The following SIPA1L2 variants were observed in gnomAD, a reference collection of about 807,000 sequenced individuals.
SIPA1L2 encodes signal induced proliferation associated 1 like 2.
A neutral mutation model predicts 163.9 loss-of-function variants in SIPA1L2; 56 were observed. The ratio of observed to expected loss-of-function variants is 0.34; its 90% confidence interval spans 0.28 to 0.43. The LOEUF is 0.43. Ranked by LOEUF, SIPA1L2 falls within the 20% of genes least tolerant of loss-of-function variation. The pLI is 1.00. For synonymous variants in SIPA1L2, 877 were observed against 865.7 expected (o/e 1.01, Z -0.23); for missense variants, 1,974 against 2,193.5 (o/e 0.90, Z 2.00).
intron 1 of SIPA1L2, among the ~76,000 whole-genome samples, chr1:232,595,419 G>A (rs1429662653): frequency 6.6e-6 from 1 of 152,202 alleles, no homozygotes; most frequent in Non-Finnish European, 1.5e-5. Context: ...AGGGCGGCCA[G>A]AGGTCGGAAA....
intron 2 of SIPA1L2, among the ~76,000 whole-genome samples, chr1:232,573,259 G>A (rs553732310): frequency 1.3e-5 from 2 of 152,276 alleles, no homozygotes; most frequent in African/African-American, 2.4e-5. Flanking sequence ...ACATTTTCGA[G>A]CAAATGGTAA....
At chr1:232,575,351 G>C (rs1482838324) in intron 1 of SIPA1L2, among the ~76,000 whole-genome samples, 4 of 152,134 alleles carry the variant, frequency 2.6e-5, no homozygotes, top group African/African-American at 4.8e-5. Context: ...TTCACTTTGA[G>C]AGGCGATAAA....
At chr1:232,528,102 A>ATATATATATATATATATCTATC (rs34779799) in intron 2 of SIPA1L2, among the ~76,000 whole-genome samples, 2 of 118,536 alleles carry the variant, frequency 1.7e-5, no homozygotes, top group Admixed American at 8.7e-5. Flanking sequence ...ATATATATAT[A>ATATATATATATATATATCTATC]ATCAACTTTC....
intron 2 of SIPA1L2, among the ~76,000 whole-genome samples, chr1:232,517,914 G>A (rs112870246): frequency 0.015 from 2,304 of 152,122 alleles, 63 homozygotes; most frequent in African/African-American, 0.053. Flanking sequence ...CGGCGTGGCG[G>A]TACACACCTG....
intron 7 of SIPA1L2, among the ~76,000 whole-genome samples, chr1:232,473,426 C>T (rs755418009): frequency 3.9e-5 from 6 of 152,190 alleles, no homozygotes; most frequent in Non-Finnish European, 7.3e-5. Context: ...GAGTGATTGC[C>T]GGTGTGGCTT....
intron 1 of SIPA1L2, among the ~76,000 whole-genome samples, chr1:232,612,996 C>T (rs1662328251): frequency 6.6e-6 from 1 of 152,164 alleles, no homozygotes; most frequent in South Asian, 2.1e-4. Flanking sequence ...CCATACTGTT[C>T]TCGTGGTACT....
chr1:232,409,791 G>A (rs774663695), intron 19 of SIPA1L2, among the ~76,000 whole-genome samples: 1 of 152,126 alleles, frequency 6.6e-6, no homozygotes, highest in African/African-American at 2.4e-5. Context: ...ACATGGAGCA[G>A]AAGAACCACC....
intron 2 of SIPA1L2, among the ~76,000 whole-genome samples, chr1:232,532,741 C>CTGCTATATGACCCAATCACGGCAAA (rs1452226794): frequency 2.0e-5 from 3 of 152,196 alleles, no homozygotes; most frequent in African/African-American, 7.2e-5. Flanking sequence ...TGAGGCTTAG[C>CTGCTATATGACCCAATCACGGCAAA]TGCTATATGA....
intron 2 of SIPA1L2, among the ~76,000 whole-genome samples, chr1:232,529,103 C>T (rs1667853109): frequency 6.6e-6 from 1 of 152,124 alleles, no homozygotes; most frequent in Non-Finnish European, 1.5e-5. Context: ...GGTCATTGTT[C>T]TTTATACTTT....
At chr1:232,573,832 G>A (rs900511880) in intron 2 of SIPA1L2, among the ~76,000 whole-genome samples, 1 of 152,116 alleles carries the variant, frequency 6.6e-6, no homozygotes, top group African/African-American at 2.4e-5. Flanking sequence ...CTCACGTGTT[G>A]TACCTCTAAT....
intron 2 of SIPA1L2, among the ~76,000 whole-genome samples, chr1:232,521,701 T>C (rs1667466844): frequency 6.6e-6 from 1 of 152,210 alleles, no homozygotes; most frequent in African/African-American, 2.4e-5. Context: ...TAACACATGC[T>C]TGGAGCACAC....
Position 232,445,568 on chromosome 1 carries a change from C to T in SIPA1L2, c.3314G>A (p.Arg1105Gln). Residue 1105 changes from arginine to glutamine, a missense_variant, in exon 11 of 23, where the codon CGA becomes CAA. By Grantham distance (43) the Arg-to-Gln change is conservative. Around this residue, in one of 3 missense-constraint regions of SIPA1L2, gnomAD observed 1,079 missense variants for 1,150.7 expected, o/e 0.94. Transcript: ENST00000674635. The stretch of plus-strand genomic sequence containing the variant: ...CAGCTTCCGGTCGAAGGAGGTGCTT[C>T]GAGGAATGGCAGCCTGGGCCTGCTG... ...LLQQAQAAIPRSTSFDRKLPD... is the reference protein window; with the variant it reads ...LLQQAQAAIPQSTSFDRKLPD... The T allele has an allele frequency of 2.5e-6, 4 of 1,613,970 alleles. No individual in the cohort carries two copies. Among genetic ancestry groups the T allele is most frequent in the Non-Finnish European group, 3.4e-6 (4 of 1,179,974 alleles).
intron 16 of SIPA1L2, among the ~76,000 whole-genome samples, chr1:232,431,062 T>C (rs569100397): frequency 6.6e-6 from 1 of 152,360 alleles, no homozygotes; most frequent in African/African-American, 2.4e-5. Context: ...ACTGTCCGAA[T>C]GGGCTCCTTT....
In SIPA1L2 at chr1:232,460,877, C is replaced by A; in HGVS notation, c.3095+10G>T. Reference sequence around the variant, plus strand: ...AGGAGTGAGCATTACTTGGGCCTCCCACGCCTTACCTTCGGGGCGAGCCGT... The same window carrying A: ...AGGAGTGAGCATTACTTGGGCCTCCAACGCCTTACCTTCGGGGCGAGCCGT... On this transcript the variant is annotated intron_variant, in intron 10 of 22. Coordinates refer to ENST00000674635, the MANE Select transcript of SIPA1L2 (RefSeq NM_020808.5). 2 of 1,609,570 alleles carry A rather than the reference C, an allele frequency of 1.2e-6. No individual in the cohort carries two copies. Among genetic ancestry groups the A allele is most frequent in the South Asian group, 2.2e-5 (2 of 90,770 alleles).
intron 8 of SIPA1L2, 123 bp downstream of exon 8, chr1:232,471,248 T>G: frequency 1.7e-6 from 1 of 603,668 alleles, no homozygotes; most frequent in Non-Finnish European, 2.4e-6. Flanking sequence ...TTACAGAAAG[T>G]GTCTGAGTAA....
intron 18 of SIPA1L2, among the ~76,000 whole-genome samples, chr1:232,418,573 T>C (rs1161989565): frequency 6.6e-6 from 1 of 152,172 alleles, no homozygotes; most frequent in Non-Finnish European, 1.5e-5. Flanking sequence ...TGCTACCCCC[T>C]ACGCAATGCA....
intron 1 of SIPA1L2, among the ~76,000 whole-genome samples, chr1:232,601,198 T>A (rs1661580064): frequency 6.6e-6 from 1 of 152,158 alleles, no homozygotes; most frequent in Non-Finnish European, 1.5e-5. Flanking sequence ...ACAGTTGCAG[T>A]AGTCCAACAG....
At chr1:232,487,205 G>A (rs1404350245) in intron 5 of SIPA1L2, among the ~76,000 whole-genome samples, 2 of 152,198 alleles carry the variant, frequency 1.3e-5, no homozygotes, top group African/African-American at 4.8e-5. Context: ...ATAAAAACTG[G>A]CTGCTCTATT....
chr1:232,565,237 C>A (rs1341719074), intron 2 of SIPA1L2, among the ~76,000 whole-genome samples: 1 of 152,218 alleles, frequency 6.6e-6, no homozygotes, highest in Non-Finnish European at 1.5e-5. Context: ...AGTTAATAAT[C>A]TGACACCTTG....
Sources: allele counts gnomAD v4.1 joint callset (sites outside exome capture counted in the v4.1 genomes callset), GRCh38; gene constraint gnomAD v4.1.1; regional missense constraint gnomAD v4.1.1; transcripts MANE v1.5; gene names NCBI Gene and HGNC (gene_info 2026-07-23, HGNC 2026-07-21).